CLPSL1: variants seen among roughly 807,000 people sequenced by gnomAD.
CLPSL1 encodes colipase like 1.
A neutral mutation model predicts 9.3 loss-of-function variants in CLPSL1; 13 were observed. That is an observed-to-expected ratio of 1.40 (90% CI 0.91 to 2.22). The LOEUF (loss-of-function observed/expected upper bound fraction) is 2.22, where lower values mean the gene tolerates loss of function less well. Among genes scored for constraint, CLPSL1 ranks in the 30% most tolerant of loss-of-function variants. The pLI, the probability that CLPSL1 is intolerant of heterozygous loss-of-function variation, is 0.00. For synonymous variants in CLPSL1, 58 were observed against 56.9 expected (o/e 1.02, Z -0.08); for missense variants, 164 against 146.6 (o/e 1.12, Z -0.61).
intron 1 of CLPSL1, among the ~76,000 whole-genome samples, chr6:35,784,765 A>G (rs1318421655): frequency 6.6e-6 from 1 of 152,236 alleles, no homozygotes; most frequent in East Asian, 1.9e-4. Context: ...AGTTATTGGC[A>G]ATGAATCTGT....
At chr6:35,793,705 GA>G, downstream of CLPSL1, 1 of 422,450 alleles carries the variant, frequency 2.4e-6, no homozygotes, top group East Asian at 7.2e-5. Flanking sequence ...ACTCACAGTT[GA>G]ATGCAATCCT....
At chr6:35,786,364 G>A (rs939763874) in intron 1 of CLPSL1, among the ~76,000 whole-genome samples, 5 of 152,174 alleles carry the variant, frequency 3.3e-5, no homozygotes, top group Non-Finnish European at 5.9e-5. Flanking sequence ...GCACATTTTC[G>A]TCACTGCAGA....
downstream of CLPSL1, among the ~76,000 whole-genome samples, chr6:35,789,245 G>A (rs914797320): frequency 1.3e-4 from 20 of 152,246 alleles, no homozygotes; most frequent in Non-Finnish European, 2.5e-4. Context: ...ATGTCAAGAA[G>A]TTAGAAGGGG....
At chr6:35,787,141 G>GGAGCCA (rs1561941386) in intron 2 of CLPSL1, 21 bp downstream of exon 2, 3 of 1,609,714 alleles carry the variant, frequency 1.9e-6, no homozygotes, top group Non-Finnish European at 8.5e-7. Context: ...CCGCCCGGGG[G>GGAGCCA]GAGCCAGAGG....
chr6:35,781,282 G>A (rs2766579), intron 1 of CLPSL1, 73 bp downstream of exon 1: 446,689 of 1,555,288 alleles, frequency 0.29, 65,243 homozygotes, highest in South Asian at 0.31. Flanking sequence ...GGAGGTGAGC[G>A]GGCATGGGGG....
At chr6:35,785,174 A>ATTT (rs34500810) in intron 1 of CLPSL1, among the ~76,000 whole-genome samples, 10,234 of 115,544 alleles carry the variant, frequency 0.089, 795 homozygotes, top group African/African-American at 0.16. Context: ...GCCCCTGGAA[A>ATTT]TTTTTTTTTT....
chr6:35,784,624 G>T (rs947884382), intron 1 of CLPSL1, among the ~76,000 whole-genome samples: 1 of 152,184 alleles, frequency 6.6e-6, no homozygotes, highest in Admixed American at 6.5e-5. Context: ...TTCAAGCCAG[G>T]TGTGGTGGTT....
chr6:35,783,291 A>T (rs1185025349), intron 1 of CLPSL1, among the ~76,000 whole-genome samples: 1 of 152,230 alleles, frequency 6.6e-6, no homozygotes, highest in African/African-American at 2.4e-5. Flanking sequence ...CAAGTGGATC[A>T]CCTGACGTCA....
In CLPSL1 at chr6:35,781,173, C is replaced by T. The variant is rs1767960005; in HGVS notation, c.63C>T (p.Thr21=). Residue 21 remains threonine, a synonymous_variant, in exon 1 of 3, where the codon ACC becomes ACT. Coordinates refer to ENST00000373861, the MANE Select transcript of CLPSL1 (RefSeq NM_001010886.5). ...TCTTCTTCTTTCTCTTCCTCCTCACCAGGGGCTCACTTTCTCCAACAAAAT... is the reference window on the plus strand; with the variant it reads ...TCTTCTTCTTTCTCTTCCTCCTCACTAGGGGCTCACTTTCTCCAACAAAAT... ...FLLFFFLFLL[T]RGSLSPTKYN... 6.2e-7 allele frequency: 1 copy of T among 1,613,862 alleles called. No homozygotes were observed. Among genetic ancestry groups the T allele is most frequent in the Admixed American group, 1.7e-5 (1 of 59,990 alleles).
At chr6:35,794,029 T>G (rs1360864217), downstream of CLPSL1, among the ~76,000 whole-genome samples, 1 of 152,222 alleles carries the variant, frequency 6.6e-6, no homozygotes, top group Non-Finnish European at 1.5e-5. Context: ...GAAAAAGGAA[T>G]CATAAGGCCG....
In CLPSL1 at chr6:35,781,145, T is replaced by G. The variant is rs1252174855; in HGVS notation, c.35T>G (p.Leu12Arg). 1 of 1,613,988 alleles carries G rather than the reference T, an allele frequency of 6.2e-7. No individual in the cohort carries two copies. The highest frequency in any genetic ancestry group is 1.7e-5 in the Admixed American group (1 of 60,004). Residue 12 changes from leucine (L) to arginine (R), a missense_variant, in exon 1 of 3, where the codon CTT (leucine) becomes CGT (arginine). Coordinates refer to ENST00000373861, the MANE Select transcript of CLPSL1 (RefSeq NM_001010886.5). ...CCCCAATGGCTGCTGCTGCTGTTCC[T>G]TCTCTTCTTCTTTCTCTTCCTCCTC... ...MLPQWLLLLF[L>R]LFFFLFLLTR... is the part of the protein sequence containing the mutation.
At chr6:35,785,059 C>T (rs1340565331) in intron 1 of CLPSL1, among the ~76,000 whole-genome samples, 3 of 152,132 alleles carry the variant, frequency 2.0e-5, no homozygotes, top group African/African-American at 4.8e-5. Context: ...GAGCTGACCA[C>T]ATGCGCAGTG....
downstream of CLPSL1, among the ~76,000 whole-genome samples, chr6:35,792,287 AG>A (rs1768235704): frequency 6.6e-6 from 1 of 152,100 alleles, no homozygotes; most frequent in African/African-American, 2.4e-5. Context: ...AAAAAAAAAA[AG>A]TATTTAATAC....
chr6:35,787,818 C>A, intron 2 of CLPSL1, 49 bp from the exon 3 acceptor site: 1 of 1,574,976 alleles, frequency 6.3e-7, no homozygotes, highest in Non-Finnish European at 8.7e-7. Flanking sequence ...CTTAGGGGCT[C>A]AGGGAAGAGC....
rs771054411 is a variant in CLPSL1, at chr6:35,788,010, G to C, written c.366G>C (p.Ter122TyrextTer40). 2.5e-6 allele frequency: 4 copies of C among 1,609,916 alleles called. No individual in the cohort carries two copies. The highest frequency in any genetic ancestry group is 4.5e-5 in the East Asian group (2 of 44,822). ...RQKLAKKMFF* is the reference protein window; with the variant it reads ...RQKLAKKMFFY The stretch of plus-strand genomic sequence containing the variant: ...AGTTGGCTAAGAAAATGTTCTTCTA[G>C]TGCTCCCTCCTTCTTGCTGCCTCCT... Residue 122 changes from the stop codon to tyrosine, a stop_lost, in exon 3 of 3, where the codon TAG becomes TAC. Transcript: ENST00000373861.
intron 1 of CLPSL1, among the ~76,000 whole-genome samples, chr6:35,783,346 A>C (rs934823687): frequency 6.6e-6 from 1 of 152,160 alleles, no homozygotes; most frequent in Non-Finnish European, 1.5e-5. Flanking sequence ...GCCCATCTCT[A>C]CTAAAAATAC....
intron 1 of CLPSL1, among the ~76,000 whole-genome samples, chr6:35,784,906 G>A (rs1052809530): frequency 2.0e-5 from 3 of 152,190 alleles, no homozygotes; most frequent in Non-Finnish European, 2.9e-5. Flanking sequence ...TTTAGAGCAG[G>A]AAAGAATGGA....
chr6:35,782,032 G>A (rs1162242933), intron 1 of CLPSL1, among the ~76,000 whole-genome samples: 5 of 152,126 alleles, frequency 3.3e-5, no homozygotes, highest in African/African-American at 1.2e-4. Flanking sequence ...GATTACAGGC[G>A]TAAGCCACCG....
At chr6:35,781,450 C>T (rs192350308) in intron 1 of CLPSL1, among the ~76,000 whole-genome samples, 12 of 152,176 alleles carry the variant, frequency 7.9e-5, no homozygotes, top group Non-Finnish European at 1.2e-4. Context: ...CCTGCCCATG[C>T]GCACATGTGG....
Sources: allele counts gnomAD v4.1 joint callset (sites outside exome capture counted in the v4.1 genomes callset), GRCh38; gene constraint gnomAD v4.1.1; transcripts MANE v1.5; gene names NCBI Gene and HGNC (gene_info 2026-07-23, HGNC 2026-07-21).